The following ZNF48 variants were observed in gnomAD, a reference collection of about 807,000 sequenced individuals.
The protein encoded by ZNF48 is zinc finger protein 553.
ZNF48 carries 20 observed loss-of-function variants against 40.0 expected under a neutral mutation model. The ratio of observed to expected loss-of-function variants is 0.50; its 90% CI spans 0.35 to 0.73. The LOEUF is 0.73. ZNF48 is among the 30% of genes least tolerant of loss of function. The pLI is 0.01. For missense variants in ZNF48, 726 were observed against 851.9 expected (o/e 0.85, Z 1.84); for synonymous variants, 298 against 329.7 (o/e 0.90, Z 1.04).
In ZNF48 at chr16:30,387,099, T is replaced by C. The variant is rs185691192; in HGVS notation, c.-15-8681T>C. ...CTGGGACTACAGGTGCCCACCACCA[T>C]GCCTGGCTAATTTTTTTGTATTTTT... On this transcript the variant is annotated intron_variant, in intron 1 of 2. Transcript: ENST00000528032. Among the ~76,000 whole-genome samples, 268 of 151,178 alleles carry C rather than the reference T, an allele frequency of 1.8e-3. 5 individuals are homozygous for C. Among genetic ancestry groups the C allele is most frequent in the African/African-American group, 5.5e-3 (228 of 41,420 alleles).
At chr16:30,380,022 C>T (rs1048088121) in intron 1 of ZNF48, 1 of 1,611,536 alleles carries the variant, frequency 6.2e-7, no homozygotes, top group East Asian at 2.2e-5. Context: ...CTTCCTTCAA[C>T]TGATCCCGGA....
At chr16:30,379,261 G>C (rs1194812964) in intron 1 of ZNF48, 7 of 1,566,474 alleles carry the variant, frequency 4.5e-6, no homozygotes, top group Non-Finnish European at 6.1e-6. Flanking sequence ...GGGTCTACAG[G>C]AAAGTCCTGC....
Position 30,398,945 on chromosome 16 carries a change from C to T in ZNF48, c.1695C>T (p.His565=). ...ATCTGGTCAAACACAGGCGTACACA[C>T]ACGGGGGAGAAGCCATACAAGTGTG... ...SSDLVKHRRT[H]TGEKPYKCAE... The change falls in exon 3 of 3, where the codon CAC becomes CAT. Residue 565 remains histidine, a synonymous_variant. Transcript: ENST00000613509. This position sits in a 1 kb window ranked among gnomAD's most constrained non-coding sequence, Gnocchi z 6.6. 1 of 1,613,676 alleles carries T rather than the reference C, an allele frequency of 6.2e-7. No individual in the cohort carries two copies.
chr16:30,398,148 C>A lies in ZNF48; in HGVS notation c.898C>A (p.Pro300Thr). ...GAGTCACCAGCGTAGTCACTTGGGG[C>A]CCAAGCCCTTTGGCTGTGATGTGTG... ...LLSHQRSHLG[P>T]KPFGCDVCGK... Residue 300 changes from proline to threonine, a missense_variant, in exon 3 of 3, where the codon CCC becomes ACC. Physicochemically the swap from Pro to Thr is conservative, Grantham distance 38. Transcript: ENST00000613509. The surrounding 1 kb of genome is among the most constrained non-coding windows in gnomAD (Gnocchi z 6.6). The A allele has an allele frequency of 6.2e-7, 1 of 1,613,746 alleles. No individual in the cohort carries two copies. Among genetic ancestry groups the A allele is most frequent in the Non-Finnish European group, 8.5e-7 (1 of 1,179,822 alleles).
upstream of ZNF48, among the ~76,000 whole-genome samples, chr16:30,392,719 A>G (rs1348546086): frequency 1.3e-5 from 2 of 152,218 alleles, no homozygotes; most frequent in African/African-American, 4.8e-5. Context: ...ACAAAGGCCA[A>G]GAACCACACT....
chr16:30,390,474 A>G (rs2049933745), upstream of ZNF48, among the ~76,000 whole-genome samples: 1 of 151,800 alleles, frequency 6.6e-6, no homozygotes, highest in South Asian at 2.1e-4. Flanking sequence ...CAGTGGTGCG[A>G]TCTGGGCTCA....
Position 30,380,777 on chromosome 16 carries a change from A to AG in ZNF48, c.-16+2367_-16+2368insG, listed in dbSNP as rs1597006288. 2.1e-5 allele frequency: 6 copies of AG among 290,974 alleles called. No homozygotes were observed. In the East Asian group the frequency reaches 5.2e-4, roughly 25 times the overall value. 18.0% of individuals were successfully genotyped at this position (290,974 alleles called of 1,614,324 possible). On this transcript the variant is annotated intron_variant, in intron 1 of 2. Transcript: ENST00000528032. ...AGAGTGAGACTCTATCTAAAAAAAA[A>AG]AAGAGAGAGAAAGAGAGGCCGAGAG...
intron 1 of ZNF48, chr16:30,379,731 C>T (rs1305402696): frequency 1.9e-5 from 11 of 589,180 alleles, no homozygotes; most frequent in Non-Finnish European, 2.7e-5. Flanking sequence ...CTCAGCCTCC[C>T]GAGTAGCTGG....
In ZNF48 at chr16:30,395,916, G is replaced by A. The variant is rs763534486; in HGVS notation, c.79+43G>A. 3.2e-5 allele frequency: 47 copies of A among 1,470,306 alleles called. No homozygotes were observed. The highest frequency in any genetic ancestry group is 4.3e-5 in the Admixed American group (2 of 46,658). The allele number at this position is 1,470,306 out of a possible 1,614,324, so 91.1% of individuals were successfully genotyped here. On this transcript the variant is annotated intron_variant, in intron 2 of 2. Transcript: ENST00000613509. This position sits in a 1 kb window ranked among gnomAD's most constrained non-coding sequence, Gnocchi z 5.9. ...GCGCCGCCACGGACAGGTAACGGCC[G>A]GTGGGGACTGCGATGCTTGGCTGTG...
rs2049856925 is a variant in ZNF48 at position 30,382,072 on chromosome 16, AGAGGGTGGG to A, written c.-16+3669_-16+3677del. The A allele has an allele frequency of 6.3e-7, 1 of 1,579,310 alleles. No homozygotes were observed. Among genetic ancestry groups the A allele is most frequent in the South Asian group, 1.1e-5 (1 of 87,914 alleles). On this transcript the variant is annotated intron_variant, in intron 1 of 2. Transcript: ENST00000528032. The surrounding 1 kb of genome is among the most constrained non-coding windows in gnomAD (Gnocchi z 4.8). Reference sequence around the variant, plus strand: ...CCTGGGGACAGGGGCTACTGCCTCAAGAGGGTGGGGAGGGTCTTACCACTGGCCTCTGGC... The same window carrying A: ...CCTGGGGACAGGGGCTACTGCCTCAAGAGGGTCTTACCACTGGCCTCTGGC...
At chr16:30,394,063 C>T (rs1213652840), upstream of ZNF48, among the ~76,000 whole-genome samples, 1 of 151,668 alleles carries the variant, frequency 6.6e-6, no homozygotes, top group African/African-American at 2.4e-5. Context: ...CAGGGTCTCG[C>T]TCTGTTGCCC....
chr16:30,379,006 C>G (rs1347188076), intron 1 of ZNF48: 1 of 1,611,510 alleles, frequency 6.2e-7, no homozygotes, highest in Non-Finnish European at 8.5e-7. Flanking sequence ...TACTGTCCGC[C>G]CCGGGTCTCA....
chr16:30,387,636 G>A (rs1383424899), intron 1 of ZNF48, among the ~76,000 whole-genome samples: 12 of 139,734 alleles, frequency 8.6e-5, no homozygotes, highest in East Asian at 5.3e-4. Flanking sequence ...TCGGCTCACT[G>A]CAACCTCTGC....
rs2050029926 is a variant in ZNF48, at chr16:30,399,390, C to CGAA, written c.*283_*284insGAA. On this transcript the variant is annotated 3_prime_UTR_variant, in exon 3 of 3. Coordinates refer to ENST00000613509, the MANE Select transcript of ZNF48 (RefSeq NM_001214909.2). ...CTTGTTGAATAAATAAACTGGCTTTCACCTAAGGACTCAACCCTAAATTCC... is the reference window on the plus strand; with the variant it reads ...CTTGTTGAATAAATAAACTGGCTTTCGAAACCTAAGGACTCAACCCTAAATTCC... 6.2e-6 allele frequency: 2 copies of CGAA among 321,716 alleles called. No homozygotes were observed. The highest frequency in any genetic ancestry group is 1.1e-5 in the Non-Finnish European group (2 of 174,264). 19.9% of individuals were successfully genotyped at this position (321,716 alleles called of 1,614,324 possible).
upstream of ZNF48, among the ~76,000 whole-genome samples, chr16:30,393,385 T>C (rs911312325): frequency 4.6e-5 from 7 of 151,216 alleles, no homozygotes; most frequent in Non-Finnish European, 8.8e-5. Context: ...CTTTTAAATT[T>C]TATTTATTTA....
rs1567425526 is a variant in ZNF48, at chr16:30,381,395, G to A, written c.-16+2985G>A. On this transcript the variant is annotated intron_variant, in intron 1 of 2. Coordinates refer to the ZNF48 transcript ENST00000528032. This position sits in a 1 kb window ranked among gnomAD's most constrained non-coding sequence, Gnocchi z 4.3. ...AGCAGTGGACTCGGGAGTCCTGGAT[G>A]TTCTTCCGGTTCAGGCCACTCTCAT... is the stretch of plus-strand genomic sequence containing the variant. The A allele has an allele frequency of 6.2e-7, 1 of 1,613,838 alleles. No individual in the cohort carries two copies. The highest frequency in any genetic ancestry group is 1.7e-5 in the Admixed American group (1 of 59,984).
chr16:30,394,677 C>G (rs551884876), upstream of ZNF48: 1 of 153,322 alleles, frequency 6.5e-6, no homozygotes, highest in East Asian at 1.9e-4. Flanking sequence ...CCTCTTACTG[C>G]TCCTCGGACT....
chr16:30,392,498 C>CCA (rs1310231355), upstream of ZNF48, among the ~76,000 whole-genome samples: 1 of 152,172 alleles, frequency 6.6e-6, no homozygotes, highest in Non-Finnish European at 1.5e-5. Flanking sequence ...TATTCAGCCC[C>CCA]CACTGCCTGG....
upstream of ZNF48, among the ~76,000 whole-genome samples, chr16:30,390,796 T>A (rs1173692635): frequency 2.6e-5 from 4 of 151,848 alleles, no homozygotes; most frequent in Admixed American, 1.3e-4. Context: ...AATTTTTTTT[T>A]TATATTTTTA....
Sources: gnomAD v4.1 joint callset for allele counts (sites outside exome capture counted in the v4.1 genomes callset) on GRCh38, gnomAD v4.1.1 for gene constraint, Gnocchi (gnomAD v3.1) non-coding constraint, MANE v1.5 for transcripts, NCBI Gene and HGNC (gene_info 2026-07-23, HGNC 2026-07-21) for gene names.